DNAH7: variants seen among roughly 807,000 people sequenced by gnomAD.
DNAH7 encodes dynein axonemal heavy chain 7.
In DNAH7, 397 loss-of-function variants were observed where a neutral mutation model predicts 444.6. The observed-to-expected ratio is 0.89, with a 90% CI of 0.82 to 0.97. DNAH7 has a LOEUF of 0.97. Among genes scored for constraint, DNAH7 ranks in the 50% least tolerant of loss-of-function variants. DNAH7 has a pLI of 0.00. For synonymous variants in DNAH7, 1,636 were observed against 1,624.4 expected, an observed-to-expected ratio of 1.01 and a Z score of -0.17; for missense variants, 4,902 against 4,800.8, an observed-to-expected ratio of 1.02 and a Z score of -0.62.
At chr2:195,921,629 A>T (rs12612697) in intron 24 of DNAH7, among the ~76,000 whole-genome samples, 1,674 of 152,232 alleles carry the variant, frequency 0.011, 34 homozygotes, top group East Asian at 0.067. Context: ...AAAAGACTAC[A>T]CATTGGGTAC....
chr2:196,050,147 T>C (rs1385705490), intron 3 of DNAH7, among the ~76,000 whole-genome samples: 3 of 152,260 alleles, frequency 2.0e-5, no homozygotes, highest in Non-Finnish European at 4.4e-5. Flanking sequence ...AATTCAATTC[T>C]ATAGTTTGTT....
At chr2:195,993,432 A>G (rs1693481957) in intron 12 of DNAH7, among the ~76,000 whole-genome samples, 1 of 148,918 alleles carries the variant, frequency 6.7e-6, no homozygotes, top group South Asian at 2.1e-4. Flanking sequence ...AAAAAATACA[A>G]AAAGTCTAAA....
Position 196,024,475 on chromosome 2 carries a change from T to G in DNAH7, c.697A>C (p.Lys233Gln). Residue 233 changes from lysine (K) to glutamine (Q), a missense_variant, in exon 8 of 65, where the codon AAA becomes CAA. Lys to Gln is a moderately conservative substitution (Grantham distance 53). Coordinates refer to ENST00000312428, the MANE Select transcript of DNAH7 (RefSeq NM_018897.3). ...VDFVLKDPREKGDDKKTDELP... is the reference protein window; with the variant it reads ...VDFVLKDPREQGDDKKTDELP... ...TCATCTGTCTTCTTATCATCTCCTT[T>G]CTCTCGAGGATCTTTTAAAACAAAA... The G allele has an allele frequency of 6.3e-7, 1 of 1,582,636 alleles. No individual in the cohort carries two copies. The highest frequency in any genetic ancestry group is 8.6e-7 in the Non-Finnish European group (1 of 1,167,066).
At chr2:195,761,644 T>C (rs1007279132) in intron 61 of DNAH7, among the ~76,000 whole-genome samples, 4 of 152,158 alleles carry the variant, frequency 2.6e-5, no homozygotes, top group East Asian at 1.9e-4. Context: ...AGACTTTTCA[T>C]TGGAAACCTT....
chr2:196,048,263 C>T (rs1469383400), intron 4 of DNAH7, 33 bp downstream of exon 4: 10 of 1,537,008 alleles, frequency 6.5e-6, no homozygotes, highest in African/African-American at 1.4e-5. Flanking sequence ...ACAAATTATC[C>T]TTAAATCTAA....
chr2:195,938,575 T>G (rs1159096505), intron 19 of DNAH7, among the ~76,000 whole-genome samples: 1 of 152,140 alleles, frequency 6.6e-6, no homozygotes, highest in Non-Finnish European at 1.5e-5. Flanking sequence ...CCAAAAAAAT[T>G]ATTGCAATGT....
Position 195,740,001 on chromosome 2 carries a change from G to C in DNAH7, c.11868+765C>G, listed in dbSNP as rs932634171. ...TGTTTTTTTGTTTTGTTTTGTTTTG[G>C]AGATGGAGTTTCACTCTTGTTGCCC... On this transcript the variant is annotated intron_variant, in intron 64 of 64. Transcript: ENST00000312428. Among the ~76,000 whole-genome samples, 5 of 151,970 alleles carry C rather than the reference G, an allele frequency of 3.3e-5. No individual in the cohort carries two copies. The East Asian group carries it at 9.7e-4, about 29-fold the overall frequency.
At chr2:196,008,289 G>A (rs1431023458) in intron 10 of DNAH7, among the ~76,000 whole-genome samples, 1 of 151,962 alleles carries the variant, frequency 6.6e-6, no homozygotes, top group Non-Finnish European at 1.5e-5. Flanking sequence ...AATAACAAGT[G>A]CTGGAAAGTG....
chr2:195,771,939 A>C (rs1239232518), intron 60 of DNAH7, 49 bp from the exon 61 acceptor site: 1 of 1,431,230 alleles, frequency 7.0e-7, no homozygotes, highest in Non-Finnish European at 9.9e-7. Flanking sequence ...AAGGTCTAAC[A>C]ATAGCTGAAT....
rs1167734562 is a variant in DNAH7, at chr2:195,817,728, T to C, written c.9393A>G (p.Gln3131=). ...QERPDLEEEK[Q]ALILQGAENK... The stretch of plus-strand genomic sequence containing the variant: ...TTTCAGCTCCTTGTAATATCAAGGC[T>C]TGCTTTTCTTCTTCAAGGTCTGGCC... The change falls in exon 50 of 65, where the codon CAA becomes CAG. Residue 3131 remains glutamine, a synonymous_variant. Transcript: ENST00000312428. 6.2e-7 allele frequency: 1 copy of C among 1,611,474 alleles called. No individual in the cohort carries two copies. Among genetic ancestry groups the C allele is most frequent in the Non-Finnish European group, 8.5e-7 (1 of 1,179,298 alleles).
chr2:195,858,845 T>G, intron 42 of DNAH7, 41 bp from the exon 43 acceptor site: 1 of 1,514,610 alleles, frequency 6.6e-7, no homozygotes, highest in Non-Finnish European at 8.9e-7. Context: ...CATGAGGCTC[T>G]GTATCCTACA....
chr2:195,987,233 AAAAC>A (rs762769873), intron 13 of DNAH7, 40 bp from the exon 14 acceptor site: 219 of 1,433,948 alleles, frequency 1.5e-4, no homozygotes, highest in Non-Finnish European at 1.8e-4. Flanking sequence ...AAGAAGAAAT[AAAAC>A]AAATAAATTT....
intron 5 of DNAH7, 147 bp from the exon 6 acceptor site, chr2:196,028,194 G>C: frequency 1.6e-6 from 1 of 614,476 alleles, no homozygotes; most frequent in South Asian, 2.4e-5. Context: ...ATACACATTT[G>C]TTTGGTGCTA....
At chr2:195,853,714 T>A (rs1699528785) in intron 45 of DNAH7, among the ~76,000 whole-genome samples, 186 bp from the exon 46 acceptor site, 1 of 152,106 alleles carries the variant, frequency 6.6e-6, no homozygotes, top group Admixed American at 6.5e-5. Flanking sequence ...GTGTCTAATA[T>A]AATTCATGAA....
At chr2:195,882,984 C>T (rs1189595725) in intron 35 of DNAH7, among the ~76,000 whole-genome samples, 1 of 152,110 alleles carries the variant, frequency 6.6e-6, no homozygotes, top group Non-Finnish European at 1.5e-5. Flanking sequence ...CAAGGCTGTG[C>T]GTACAGCAGA....
intron 17 of DNAH7, among the ~76,000 whole-genome samples, chr2:195,965,103 T>C (rs1321845107): frequency 1.3e-5 from 2 of 152,300 alleles, no homozygotes; most frequent in East Asian, 3.9e-4. Context: ...TACCTGTGGG[T>C]CTGTCTTTTA....
chr2:195,956,504 AGCTGGG>A (rs1690666487), intron 19 of DNAH7, among the ~76,000 whole-genome samples: 1 of 152,120 alleles, frequency 6.6e-6, no homozygotes, highest in African/African-American at 2.4e-5. Context: ...TACAAAAATT[AGCTGGG>A]CATGGTGGCA....
chr2:196,008,549 A>C (rs1694524829), intron 10 of DNAH7, among the ~76,000 whole-genome samples: 1 of 152,226 alleles, frequency 6.6e-6, no homozygotes, highest in Admixed American at 6.5e-5. Flanking sequence ...AAAATGTCTT[A>C]TATCCATATA....
At chr2:195,752,756 G>T (rs975776464) in intron 63 of DNAH7, among the ~76,000 whole-genome samples, 1 of 152,118 alleles carries the variant, frequency 6.6e-6, no homozygotes, top group Non-Finnish European at 1.5e-5. Flanking sequence ...TATGAAGATG[G>T]CAACTGGTAA....
Sources: gnomAD v4.1 joint callset for allele counts (sites outside exome capture counted in the v4.1 genomes callset) on GRCh38, gnomAD v4.1.1 for gene constraint, MANE v1.5 for transcripts, NCBI Gene and HGNC (gene_info 2026-07-23, HGNC 2026-07-21) for gene names.